CCDC187: variants seen among roughly 807,000 people sequenced by gnomAD.
The protein encoded by CCDC187 is coiled-coil domain-containing protein 187.
In CCDC187, 32 loss-of-function variants were observed where a neutral mutation model predicts 38.0. That is an observed-to-expected ratio of 0.84 (90% CI 0.64 to 1.13). CCDC187 has a LOEUF of 1.13. Among genes scored for constraint, CCDC187 ranks in the 50% most tolerant of loss-of-function variants. The pLI, the probability that CCDC187 is intolerant of heterozygous loss-of-function variation, is 0.00. For synonymous variants in CCDC187, 333 were observed against 347.9 expected (o/e 0.96, Z 0.48); for missense variants, 707 against 786.8 (o/e 0.90, Z 1.21).
chr9:136,284,677 C>T (rs1324446110), intron 9 of CCDC187, among the ~76,000 whole-genome samples: 4 of 150,700 alleles, frequency 2.7e-5, no homozygotes, highest in Admixed American at 1.3e-4. Context: ...AGCGAGAGGC[C>T]GGCTGGGCAG....
In CCDC187 at chr9:136,251,361, C is replaced by A. The variant is rs1554759380; in HGVS notation, c.*2233G>T. On this transcript the variant is annotated 3_prime_UTR_variant, in exon 26 of 26. Coordinates refer to ENST00000638797, the MANE Select transcript of CCDC187 (RefSeq NM_001378188.1). ...GGGCCACTGATCCCCAGAGGAAAAGCCCCCGGCCGTGCGGGCTGCGCAGAA... is the reference window on the plus strand; with the variant it reads ...GGGCCACTGATCCCCAGAGGAAAAGACCCCGGCCGTGCGGGCTGCGCAGAA... The A allele has an allele frequency of 3.6e-6, 1 of 274,642 alleles. No individual in the cohort carries two copies. Among genetic ancestry groups the A allele is most frequent in the African/African-American group, 2.2e-5 (1 of 45,696 alleles). The allele number at this position is 274,642 out of a possible 1,614,324, so 17.0% of individuals were successfully genotyped here.
Position 136,257,373 on chromosome 9 carries a change from AATT to A in CCDC187, c.4367-535_4367-533del, listed in dbSNP as rs1212388478. On this transcript the variant is annotated intron_variant, in intron 22 of 25. Transcript: ENST00000638797. The surrounding 1 kb of genome is among the most constrained non-coding windows in gnomAD (Gnocchi z 4.5). ...GGGAGAGAGTGAGACTTTGTCTCAA[AATT>A]ATAATAATAATAATAATAATAATAA... Among the ~76,000 whole-genome samples the A allele has an allele frequency of 2.5e-4, 24 of 97,746 alleles. No individual in the cohort carries two copies. The highest frequency in any genetic ancestry group is 8.7e-4 in the South Asian group (3 of 3,430). The allele number at this position is 97,746 out of a possible 152,430, so 64.1% of individuals were successfully genotyped here.
chr9:136,258,232 G>A lies in CCDC187; in HGVS notation c.4366+700C>T, dbSNP rs2131120459. 6.6e-6 allele frequency among the ~76,000 whole-genome samples: 1 copy of A among 152,320 alleles called. No homozygotes were observed. Among genetic ancestry groups the A allele is most frequent in the Non-Finnish European group, 1.5e-5 (1 of 68,012 alleles). On this transcript the variant is annotated intron_variant, in intron 22 of 25. Transcript: ENST00000638797. This position sits in a 1 kb window ranked among gnomAD's most constrained non-coding sequence, Gnocchi z 4.3. ...CACGCTCTCCTGGGCAGCCCCACAAGTGCTTCTGATCTCTTTCCGTCTCAA... is the reference window on the plus strand; with the variant it reads ...CACGCTCTCCTGGGCAGCCCCACAAATGCTTCTGATCTCTTTCCGTCTCAA...
chr9:136,289,419 T>G (rs1831256899), intron 7 of CCDC187, among the ~76,000 whole-genome samples: 1 of 145,642 alleles, frequency 6.9e-6, no homozygotes, highest in Admixed American at 7.2e-5. Context: ...CTCAGGAGGC[T>G]GAGGCAGGAG....
At chr9:136,298,155 T>C (rs1831581129) in intron 3 of CCDC187, among the ~76,000 whole-genome samples, 1 of 152,190 alleles carries the variant, frequency 6.6e-6, no homozygotes, top group African/African-American at 2.4e-5. Flanking sequence ...GGAACCAGTT[T>C]CTCATCTCTG....
Position 136,258,412 on chromosome 9 carries a change from C to T in CCDC187, c.4366+520G>A, listed in dbSNP as rs1042989759. ...GCACCCAGGGCTGGTCAGGGAGCTC[C>T]GAGGTGGCATCGCAGGGCACACAAC... On this transcript the variant is annotated intron_variant, in intron 22 of 25. Coordinates refer to ENST00000638797, the MANE Select transcript of CCDC187 (RefSeq NM_001378188.1). The surrounding 1 kb of genome is among the most constrained non-coding windows in gnomAD (Gnocchi z 4.3). 9.9e-5 allele frequency among the ~76,000 whole-genome samples: 15 copies of T among 152,206 alleles called. No individual in the cohort carries two copies. The East Asian group carries it at 2.7e-3, about 28-fold the overall frequency.
intron 2 of CCDC187, among the ~76,000 whole-genome samples, chr9:136,300,926 G>A (rs1040776665): frequency 2.6e-5 from 4 of 152,218 alleles, no homozygotes; most frequent in African/African-American, 9.6e-5. Flanking sequence ...TAGCACATCT[G>A]ACCAATGTTC....
Position 136,254,819 on chromosome 9 carries a change from G to T in CCDC187, c.5009C>A (p.Ala1670Asp), listed in dbSNP as rs1554760072. The change falls in exon 26 of 26, where the codon GCC (alanine) becomes GAC (aspartate). Residue 1670 changes from alanine to aspartate, a missense_variant. Ala to Asp is a moderately radical substitution (Grantham distance 126). Coordinates refer to ENST00000638797, the MANE Select transcript of CCDC187 (RefSeq NM_001378188.1). ...GCCAGCTTCCCCCGAGGAGTGTCGGGCAGAGAGCTCTCCAGGCCAGCTGAA... is the reference window on the plus strand; with the variant it reads ...GCCAGCTTCCCCCGAGGAGTGTCGGTCAGAGAGCTCTCCAGGCCAGCTGAA... The part of the protein sequence containing the change: ...EGFSWPGELS[A>D]RHSSGEAGLP... The T allele has an allele frequency of 1.0e-6, 1 of 985,504 alleles. No individual in the cohort carries two copies. The allele number at this position is 985,504 out of a possible 1,614,324, so 61.0% of individuals were successfully genotyped here. A position where few individuals can be genotyped will look rare whatever the true frequency, so the allele number is the denominator to read the frequency against.
chr9:136,267,713 C>A, intron 15 of CCDC187: 1 of 899,274 alleles, frequency 1.1e-6, no homozygotes, highest in Non-Finnish European at 1.3e-6. Flanking sequence ...TGTGAGCTGG[C>A]GGGGCAGGCA....
chr9:136,270,044 A>G (rs971799468), intron 14 of CCDC187, among the ~76,000 whole-genome samples: 3 of 152,246 alleles, frequency 2.0e-5, no homozygotes, highest in Non-Finnish European at 4.4e-5. Context: ...ATCCAAAAGG[A>G]AACAGAGAAG....
chr9:136,294,549 C>A (rs1831488302), intron 4 of CCDC187, among the ~76,000 whole-genome samples: 1 of 152,232 alleles, frequency 6.6e-6, no homozygotes, highest in Admixed American at 6.5e-5. Context: ...GTGCCTTGGG[C>A]AGGGACCATC....
intron 6 of CCDC187, 23 bp downstream of exon 6, chr9:136,290,453 GCCGAGTCCCC>G (rs1244416069): frequency 2.1e-4 from 84 of 398,386 alleles, no homozygotes; most frequent in Non-Finnish European, 2.5e-4. Context: ...CCATGGCTGA[GCCGAGTCCCC>G]CCAACCCAAC....
intron 3 of CCDC187, among the ~76,000 whole-genome samples, chr9:136,298,624 C>T (rs972761874): frequency 1.3e-5 from 2 of 152,238 alleles, no homozygotes; most frequent in Non-Finnish European, 2.9e-5. Context: ...CCACTTGGTC[C>T]AGGCTGGGCC....
chr9:136,293,448 C>T (rs1351724183), intron 4 of CCDC187, among the ~76,000 whole-genome samples: 1 of 65,914 alleles, frequency 1.5e-5, no homozygotes, highest in African/African-American at 5.1e-5. Context: ...CACACTCACA[C>T]ATGCTCACAC....
chr9:136,281,436 G>A (rs1480954948), intron 10 of CCDC187, 115 bp downstream of exon 10: 1 of 398,356 alleles, frequency 2.5e-6, no homozygotes, highest in Non-Finnish European at 4.4e-6. Context: ...CGTGGAAAAG[G>A]ATTTCTCTAC....
intron 8 of CCDC187, 48 bp from the exon 9 acceptor site, chr9:136,285,654 C>T (rs1245450649): frequency 2.5e-5 from 10 of 399,434 alleles, no homozygotes; most frequent in South Asian, 1.2e-4. Context: ...GCCGGGAGCA[C>T]GGGACGGGGG....
upstream of CCDC187, among the ~76,000 whole-genome samples, chr9:136,305,217 C>G (rs1831781656): frequency 6.6e-6 from 1 of 152,246 alleles, no homozygotes; most frequent in African/African-American, 2.4e-5. Context: ...CCTCCTAGCG[C>G]CAGGGCATGA....
At chr9:136,283,411 GTGGCAACGGACAGGCCAGGCCCCTTTCC>G (rs1831093474) in intron 9 of CCDC187, among the ~76,000 whole-genome samples, 1 of 152,250 alleles carries the variant, frequency 6.6e-6, no homozygotes, top group Non-Finnish European at 1.5e-5. Flanking sequence ...CAAGTGGTGA[GTGGCAACGGACAGGCCAGGCCCCTTTCC>G]TGGCTGCCCG....
intron 5 of CCDC187, 53 bp downstream of exon 5, chr9:136,292,107 GC>G: frequency 2.5e-6 from 1 of 398,504 alleles, no homozygotes; most frequent in Non-Finnish European, 4.4e-6. Flanking sequence ...CTCTGTGCCC[GC>G]CCCCAGATGC....
Sources: gnomAD v4.1 joint callset for allele counts (sites outside exome capture counted in the v4.1 genomes callset) on GRCh38, gnomAD v4.1.1 for gene constraint, Gnocchi (gnomAD v3.1) non-coding constraint, MANE v1.5 for transcripts, NCBI Gene and HGNC (gene_info 2026-07-23, HGNC 2026-07-21) for gene names.